The following INPP5A variants were observed in gnomAD, a reference collection of about 807,000 sequenced individuals.
The protein encoded by INPP5A is 43 kDa inositol polyphosphate 5-phophatase.
Under a neutral mutation model 65.2 loss-of-function variants are expected in INPP5A, and 14 were observed. The observed-to-expected ratio is 0.21, with a 90% confidence interval of 0.14 to 0.34. The LOEUF (loss-of-function observed/expected upper bound fraction) is 0.34. Ranked by LOEUF, INPP5A falls within the 10% of genes least tolerant of loss-of-function variation. The pLI, the probability that INPP5A is intolerant of heterozygous loss-of-function variation, is 1.00. For synonymous variants in INPP5A, 207 were observed against 208.3 expected (o/e 0.99, Z 0.05); for missense variants, 431 against 545.6 (o/e 0.79, Z 2.09).
At position 132,741,940 on chromosome 10, in the gene INPP5A, T is replaced by TA. The variant is rs1846280695; in HGVS notation, c.733-7576dup. Among the ~76,000 whole-genome samples the TA allele has an allele frequency of 6.6e-6, 1 of 152,118 alleles. No homozygotes were observed. On this transcript the variant is annotated intron_variant, in intron 9 of 15. Coordinates refer to ENST00000368594, the MANE Select transcript of INPP5A (RefSeq NM_005539.5). The surrounding 1 kb of genome is among the most constrained non-coding windows in gnomAD (Gnocchi z 4.4). ...GTCCTCTGCAGAAAGGATGCATACT[T>TA]ACAGAGAAGGCGCTCACTCCTGAGG...
At position 132,644,344 on chromosome 10, in the gene INPP5A, C is replaced by T. The variant is rs373727767; in HGVS notation, c.118-1524C>T. 2.1e-3 allele frequency among the ~76,000 whole-genome samples: 319 copies of T among 152,336 alleles called. 1 individual carries two copies. Among genetic ancestry groups the T allele is most frequent in the East Asian group, 5.2e-3 (27 of 5,170 alleles). The stretch of plus-strand genomic sequence containing the variant: ...CTGCAGCACAGACGGAGCCTGTGCA[C>T]GGGGCCTGGTCAGAGCTGTTTCTGT... On this transcript the variant is annotated intron_variant, in intron 2 of 15. Transcript: ENST00000368594. This position sits in a 1 kb window ranked among gnomAD's most constrained non-coding sequence, Gnocchi z 6.5.
At chr10:132,723,319 T>C (rs1307756724) in intron 8 of INPP5A, among the ~76,000 whole-genome samples, 1 of 152,238 alleles carries the variant, frequency 6.6e-6, no homozygotes, top group East Asian at 1.9e-4. Context: ...GGAGGCCGCA[T>C]TTCCTCTCTC....
chr10:132,633,228 G>A (rs2072297618), intron 2 of INPP5A, among the ~76,000 whole-genome samples: 1 of 152,156 alleles, frequency 6.6e-6, no homozygotes. Context: ...TTTAGTGGGC[G>A]AGGTGCTTGA....
chr10:132,698,289 A>G lies in INPP5A; in HGVS notation c.474+370A>G, dbSNP rs1845378056. 6.6e-6 allele frequency among the ~76,000 whole-genome samples: 1 copy of G among 152,184 alleles called. No individual in the cohort carries two copies. ...CTGGTGGTAACCAAGACAGTGGCTG[A>G]CAGTCCTGTGTGCCCGTGGTGTGAG... On this transcript the variant is annotated intron_variant, in intron 6 of 15. Coordinates refer to ENST00000368594, the MANE Select transcript of INPP5A (RefSeq NM_005539.5). The surrounding 1 kb of genome is among the most constrained non-coding windows in gnomAD (Gnocchi z 5.5).
chr10:132,696,977 G>A (rs1362682864), intron 5 of INPP5A, among the ~76,000 whole-genome samples: 2 of 152,222 alleles, frequency 1.3e-5, no homozygotes, highest in East Asian at 1.9e-4. Context: ...ATAGTGGGGT[G>A]GATAATACCC....
At chr10:132,599,519 A>G (rs2071750553) in intron 1 of INPP5A, among the ~76,000 whole-genome samples, 1 of 152,194 alleles carries the variant, frequency 6.6e-6, no homozygotes, top group Non-Finnish European at 1.5e-5. Context: ...ATGGGCTGGC[A>G]TTGAGTGTCT....
rs1196589300 is a variant in INPP5A, at chr10:132,750,584, AT to A, written c.903+744del. ...TTTTATTGTGGTCTACTTTTGTCCC[AT>A]TTTTAATGTATTTACAAATGTTTAT... is the stretch of plus-strand genomic sequence containing the variant. On this transcript the variant is annotated intron_variant, in intron 11 of 15. Transcript: ENST00000368594. Among the ~76,000 whole-genome samples, 12 of 152,330 alleles carry A rather than the reference AT, an allele frequency of 7.9e-5. No homozygotes were observed. In the East Asian group the frequency reaches 2.3e-3, roughly 29 times the overall value.
At chr10:132,567,595 C>A (rs1262323382) in intron 1 of INPP5A, among the ~76,000 whole-genome samples, 1 of 152,198 alleles carries the variant, frequency 6.6e-6, no homozygotes, top group Non-Finnish European at 1.5e-5. Context: ...AAACTACAGG[C>A]TTTATTTGGG....
intron 1 of INPP5A, among the ~76,000 whole-genome samples, chr10:132,559,894 G>A (rs890580494): frequency 2.0e-5 from 3 of 152,218 alleles, no homozygotes; most frequent in Non-Finnish European, 4.4e-5. Flanking sequence ...GTTCATCAGT[G>A]GATGGACATG....
intron 1 of INPP5A, among the ~76,000 whole-genome samples, chr10:132,604,076 T>C (rs560425575): frequency 3.6e-4 from 51 of 143,618 alleles, no homozygotes; most frequent in Non-Finnish European, 6.8e-4. Context: ...GCCGTCAGGG[T>C]CCCCTCTCTG....
At chr10:132,761,640 C>T (rs1006217757) in intron 11 of INPP5A, among the ~76,000 whole-genome samples, 4 of 152,098 alleles carry the variant, frequency 2.6e-5, no homozygotes, top group Non-Finnish European at 5.9e-5. Context: ...AAACAGTCAC[C>T]CTGGGTGACT....
At chr10:132,636,096 A>G (rs960376307) in intron 2 of INPP5A, among the ~76,000 whole-genome samples, 1 of 151,872 alleles carries the variant, frequency 6.6e-6, no homozygotes, top group Non-Finnish European at 1.5e-5. Flanking sequence ...CATGTATTCC[A>G]TCTGTGTACG....
intron 8 of INPP5A, among the ~76,000 whole-genome samples, chr10:132,720,376 C>G (rs1246614933): frequency 6.9e-6 from 1 of 144,832 alleles, no homozygotes; most frequent in Non-Finnish European, 1.5e-5. Context: ...TACCTGGGTT[C>G]TGTCTGGGCA....
At chr10:132,568,080 A>G (rs2071293701) in intron 1 of INPP5A, among the ~76,000 whole-genome samples, 2 of 151,372 alleles carry the variant, frequency 1.3e-5, no homozygotes, top group South Asian at 2.1e-4. Context: ...AGTCCCAGCT[A>G]CTCAGGAGGC....
intron 1 of INPP5A, among the ~76,000 whole-genome samples, chr10:132,568,477 G>A (rs2071299096): frequency 6.6e-6 from 1 of 152,076 alleles, no homozygotes; most frequent in Non-Finnish European, 1.5e-5. Context: ...TGTAATCCCA[G>A]CTACTGGGAT....
intron 12 of INPP5A, among the ~76,000 whole-genome samples, chr10:132,771,686 GAC>G (rs1478885879): frequency 8.7e-6 from 1 of 114,884 alleles, no homozygotes; most frequent in African/African-American, 3.7e-5. Flanking sequence ...ACTCAGCACT[GAC>G]ACAGAGGCCA....
intron 13 of INPP5A, among the ~76,000 whole-genome samples, chr10:132,780,201 A>G (rs1247655067): frequency 6.6e-6 from 1 of 152,234 alleles, no homozygotes; most frequent in African/African-American, 2.4e-5. Context: ...CTGTGGATAT[A>G]AAATTCCAGC....
chr10:132,740,780 C>A (rs1846258226), intron 9 of INPP5A, among the ~76,000 whole-genome samples: 1 of 152,208 alleles, frequency 6.6e-6, no homozygotes, highest in Admixed American at 6.5e-5. Context: ...TGGCAAGTTT[C>A]TTCCTGCCGT....
intron 2 of INPP5A, among the ~76,000 whole-genome samples, chr10:132,641,586 G>C (rs2072428191): frequency 6.6e-6 from 1 of 152,210 alleles, no homozygotes; most frequent in Admixed American, 6.5e-5. Flanking sequence ...CCAGGGACTG[G>C]GTGTTAACTC....
Sources: allele counts gnomAD v4.1 joint callset (sites outside exome capture counted in the v4.1 genomes callset), GRCh38; gene constraint gnomAD v4.1.1; non-coding constraint Gnocchi (gnomAD v3.1); transcripts MANE v1.5; gene names NCBI Gene and HGNC (gene_info 2026-07-23, HGNC 2026-07-21).